The following RDX variants were observed in gnomAD, a reference collection of about 807,000 sequenced individuals.
RDX encodes the protein deafness, autosomal recessive 24.
A neutral mutation model predicts 83.7 loss-of-function variants in RDX; 32 were observed. That is an observed-to-expected ratio of 0.38 (90% CI 0.29 to 0.51). RDX has a LOEUF of 0.51. Ranked by LOEUF, RDX falls within the 20% of genes least tolerant of loss-of-function variation. The pLI is 0.87. For missense variants in RDX, 600 were observed against 689.9 expected, an observed-to-expected ratio of 0.87 and a Z score of 1.46; for synonymous variants, 229 against 222.7, an observed-to-expected ratio of 1.03 and a Z score of -0.25.
At chr11:110,277,492 G>C (rs1280171604) in intron 2 of RDX, among the ~76,000 whole-genome samples, 1 of 151,948 alleles carries the variant, frequency 6.6e-6, no homozygotes, top group Non-Finnish European at 1.5e-5. Flanking sequence ...GCTAATTTTT[G>C]TACTTTCAGT....
At chr11:110,247,475 TA>T (rs1383538888) in intron 10 of RDX, among the ~76,000 whole-genome samples, 1 of 152,068 alleles carries the variant, frequency 6.6e-6, no homozygotes, top group Non-Finnish European at 1.5e-5. Context: ...AACAAAAAAC[TA>T]AAAAAAGAAA....
rs909895824 is a variant in RDX, at chr11:110,230,207, TA to T, written c.*1661del. 27 of 152,288 alleles carry T rather than the reference TA, an allele frequency of 1.8e-4. No individual in the cohort carries two copies. The highest frequency in any genetic ancestry group is 6.5e-4 in the African/African-American group (27 of 41,588). The allele number at this position is 152,288 out of a possible 1,614,324, so 9.4% of individuals were successfully genotyped here. A position where few individuals can be genotyped will look rare whatever the true frequency, so the allele number is the denominator to read the frequency against. ...TTAATAAAATGGCAATTTTAATAGATAAATGTAAATTTGACTGTGTAATACC... is the reference window on the plus strand; with the variant it reads ...TTAATAAAATGGCAATTTTAATAGATAATGTAAATTTGACTGTGTAATACC... On this transcript the variant is annotated 3_prime_UTR_variant, in exon 14 of 14. Coordinates refer to ENST00000645495, the MANE Select transcript of RDX (RefSeq NM_002906.4).
intron 2 of RDX, among the ~76,000 whole-genome samples, chr11:110,273,956 GAC>G (rs1860403763): frequency 1.3e-5 from 2 of 152,078 alleles, no homozygotes; most frequent in Admixed American, 6.6e-5. Flanking sequence ...GTTTACTGAG[GAC>G]ACAGCTTGTG....
chr11:110,189,243 TAAAAA>T (rs35450797), intron 15 of RDX, among the ~76,000 whole-genome samples: 49 of 35,600 alleles, frequency 1.4e-3, no homozygotes, highest in Admixed American at 6.8e-3. Flanking sequence ...GAACAACAGG[TAAAAA>T]AAAAAAAAAA....
At chr11:110,281,938 CAAA>C (rs750336725) in intron 1 of RDX, among the ~76,000 whole-genome samples, 1,799 of 91,210 alleles carry the variant, frequency 0.02, 27 homozygotes, top group East Asian at 0.097. Context: ...CCATCTCTAT[CAAA>C]AAAAAAAAAA....
At chr11:110,187,280 A>C (rs1863006385) in intron 15 of RDX, among the ~76,000 whole-genome samples, 1 of 152,120 alleles carries the variant, frequency 6.6e-6, no homozygotes, top group South Asian at 2.1e-4. Context: ...TCTTTGCTCC[A>C]CACTCAGGGA....
intron 12 of RDX, 92 bp downstream of exon 12, chr11:110,236,007 A>G (rs942144423): frequency 1.1e-6 from 1 of 893,536 alleles, no homozygotes; most frequent in African/African-American, 1.6e-5. Flanking sequence ...ACTCTAAATT[A>G]TGACAGTATC....
intron 15 of RDX, among the ~76,000 whole-genome samples, chr11:110,195,180 G>A (rs1215129606): frequency 1.3e-5 from 2 of 151,930 alleles, no homozygotes; most frequent in Non-Finnish European, 2.9e-5. Context: ...TGGCCAGGAT[G>A]GTCTCGCTCT....
At chr11:110,279,654 C>G (rs1860670279) in intron 2 of RDX, 27 bp downstream of exon 2, 6 of 1,432,656 alleles carry the variant, frequency 4.2e-6, no homozygotes, top group Non-Finnish European at 5.9e-6. Flanking sequence ...TATTGAGACA[C>G]TGTCAAATGT....
chr11:110,211,417 C>T lies in RDX; in HGVS notation c.1749-11739G>A, dbSNP rs532782659. Reference sequence around the variant, plus strand: ...TTAACACCCCACTGTCAACATTAGACAGATCAACGAGACAGAAAGTCAACA... The same window carrying T: ...TTAACACCCCACTGTCAACATTAGATAGATCAACGAGACAGAAAGTCAACA... On this transcript the variant is annotated intron_variant, in intron 14 of 15. Coordinates refer to the RDX transcript ENST00000528498. Among the ~76,000 whole-genome samples, 22 of 150,362 alleles carry T rather than the reference C, an allele frequency of 1.5e-4. No individual in the cohort carries two copies. In the East Asian group the frequency reaches 3.9e-3, roughly 27 times the overall value.
At chr11:110,229,289 A>C (rs753429807), downstream of RDX, among the ~76,000 whole-genome samples, 1 of 151,954 alleles carries the variant, frequency 6.6e-6, no homozygotes, top group African/African-American at 2.4e-5. Context: ...TTCCATACCA[A>C]AGAGGTATCG....
At chr11:110,277,150 AT>A (rs963656020) in intron 2 of RDX, among the ~76,000 whole-genome samples, 14 of 152,198 alleles carry the variant, frequency 9.2e-5, no homozygotes, top group Non-Finnish European at 1.9e-4. Context: ...CCAACTGCAT[AT>A]AATTTTGACT....
intron 15 of RDX, among the ~76,000 whole-genome samples, chr11:110,196,714 G>A (rs1462946094): frequency 6.6e-6 from 1 of 151,924 alleles, no homozygotes; most frequent in African/African-American, 2.4e-5. Flanking sequence ...GGTTTACTCT[G>A]GCCTCCTCAG....
chr11:110,217,512 T>A (rs1405594540), intron 14 of RDX, among the ~76,000 whole-genome samples: 1 of 152,180 alleles, frequency 6.6e-6, no homozygotes, highest in Admixed American at 6.5e-5. Flanking sequence ...ACAAAGTACA[T>A]CTTAACCTCT....
At chr11:110,242,906 G>A (rs1257552116) in intron 10 of RDX, among the ~76,000 whole-genome samples, 1 of 149,488 alleles carries the variant, frequency 6.7e-6, no homozygotes, top group Non-Finnish European at 1.5e-5. Context: ...CTGGAACATA[G>A]CCACCCTCAT....
chr11:110,210,317 C>A (rs1234710680), intron 14 of RDX, among the ~76,000 whole-genome samples: 9 of 126,908 alleles, frequency 7.1e-5, no homozygotes, highest in Non-Finnish European at 1.2e-4. Flanking sequence ...TGAGCAAAGC[C>A]TCCAAGAAAT....
At chr11:110,201,577 G>A (rs931795638) in intron 14 of RDX, among the ~76,000 whole-genome samples, 1 of 152,210 alleles carries the variant, frequency 6.6e-6, no homozygotes, top group Admixed American at 6.5e-5. Flanking sequence ...CTGAAGGGTA[G>A]TGAGGGTGAG....
At chr11:110,261,255 C>T (rs1565320905) in intron 5 of RDX, among the ~76,000 whole-genome samples, 1 of 152,236 alleles carries the variant, frequency 6.6e-6, no homozygotes, top group Middle Eastern at 3.4e-3. Context: ...ATTTTTTCTT[C>T]CACTCATTTT....
At chr11:110,232,351 C>T (rs1409879168) in intron 13 of RDX, among the ~76,000 whole-genome samples, 1 of 152,046 alleles carries the variant, frequency 6.6e-6, no homozygotes, top group Non-Finnish European at 1.5e-5. Flanking sequence ...AAAATCTATA[C>T]CTCAAGGGAA....
Sources: allele counts gnomAD v4.1 joint callset (sites outside exome capture counted in the v4.1 genomes callset), GRCh38; gene constraint gnomAD v4.1.1; transcripts MANE v1.5; gene names NCBI Gene and HGNC (gene_info 2026-07-23, HGNC 2026-07-21).